Variants in AGBL1 observed in about 807,000 individuals in gnomAD.
AGBL1 encodes the protein cytosolic carboxypeptidase 4.
AGBL1 carries 130 observed loss-of-function variants against 118.9 expected under a neutral mutation model. That is an observed-to-expected ratio of 1.09 (90% CI 0.95 to 1.26). The LOEUF is 1.26. AGBL1 is among the 50% of genes most tolerant of loss of function. The probability of loss-of-function intolerance (pLI) is 0.00; values close to 1 mark genes in which losing one functional copy is unlikely to be tolerated. For missense variants in AGBL1, 1,584 were observed against 1,298.1 expected (o/e 1.22, Z -3.38); for synonymous variants, 555 against 478.9 (o/e 1.16, Z -2.08).
intron 16 of AGBL1, among the ~76,000 whole-genome samples, chr15:86,282,744 T>A (rs942518214): frequency 1.3e-5 from 2 of 152,180 alleles, no homozygotes; most frequent in Admixed American, 1.3e-4. Flanking sequence ...AACAGATCAG[T>A]GATAAATTAA....
Position 86,674,276 on chromosome 15 carries a change from C to T in AGBL1, c.2998C>T (p.Leu1000=), listed in dbSNP as rs747632024. The T allele has an allele frequency of 1.2e-6, 2 of 1,609,642 alleles. No homozygotes were observed. The highest frequency in any genetic ancestry group is 2.2e-5 in the South Asian group (2 of 90,232). The change falls in exon 22 of 23, where the codon CTA becomes TTA. Residue 1000 remains leucine, a synonymous_variant. Coordinates refer to ENST00000614907, the MANE Select transcript of AGBL1 (RefSeq NM_001386094.1). ...TAATGCTTTGTTTAACTGGCAGGGT[C>T]TACAGTTTGGTACCAGAGAACTGGA... is the stretch of plus-strand genomic sequence containing the variant. ...CGCNQGPYQG[L]QFGTRELEEM...
intron 18 of AGBL1, among the ~76,000 whole-genome samples, chr15:86,518,548 G>T (rs1039770990): frequency 2.6e-4 from 40 of 152,010 alleles, no homozygotes; most frequent in Non-Finnish European, 3.8e-4. Flanking sequence ...ATCAGAAGCT[G>T]TCTTCTCTTT....
intron 22 of AGBL1, among the ~76,000 whole-genome samples, chr15:86,781,480 A>T (rs1360194749): frequency 6.6e-6 from 1 of 152,204 alleles, no homozygotes; most frequent in Non-Finnish European, 1.5e-5. Flanking sequence ...ATGACCCATG[A>T]CAGGTGCTCA....
intron 22 of AGBL1, among the ~76,000 whole-genome samples, chr15:86,827,729 C>A (rs1350837503): frequency 1.4e-5 from 2 of 146,676 alleles, no homozygotes; most frequent in Non-Finnish European, 3.0e-5. Context: ...TCTGAGACCA[C>A]TACCACCACC....
intron 22 of AGBL1, among the ~76,000 whole-genome samples, chr15:86,752,724 C>T (rs546531560): frequency 6.6e-6 from 1 of 152,026 alleles, no homozygotes; most frequent in Non-Finnish European, 1.5e-5. Context: ...GAATAGATAC[C>T]TTTGAAGCCA....
chr15:86,749,236 A>T (rs919843903), intron 22 of AGBL1, among the ~76,000 whole-genome samples: 2 of 152,088 alleles, frequency 1.3e-5, no homozygotes, highest in Non-Finnish European at 2.9e-5. Flanking sequence ...ATCCCTTGGA[A>T]GTTGGATTCC....
At chr15:86,701,970 C>A (rs895349004) in intron 22 of AGBL1, among the ~76,000 whole-genome samples, 19 of 150,004 alleles carry the variant, frequency 1.3e-4, no homozygotes, top group African/African-American at 4.4e-4. Flanking sequence ...CCCCTTCTCA[C>A]TTTCTCTCCC....
intron 22 of AGBL1, among the ~76,000 whole-genome samples, chr15:86,675,356 C>T (rs924812525): frequency 1.3e-5 from 2 of 152,106 alleles, no homozygotes; most frequent in African/African-American, 4.8e-5. Flanking sequence ...GTGGCTGTTG[C>T]AGTGTGACAT....
intron 22 of AGBL1, among the ~76,000 whole-genome samples, chr15:86,729,460 A>G (rs780715385): frequency 2.0e-5 from 3 of 152,080 alleles, no homozygotes; most frequent in Non-Finnish European, 2.9e-5. Context: ...CCCAGTGTCT[A>G]CCGTTGCCAT....
intron 20 of AGBL1, among the ~76,000 whole-genome samples, chr15:86,549,338 A>G (rs944952162): frequency 6.6e-6 from 1 of 152,202 alleles, no homozygotes; most frequent in Non-Finnish European, 1.5e-5. Context: ...TATGCACTCA[A>G]GATATTTGAG....
chr15:86,244,745 A>T (rs1202028532), intron 6 of AGBL1, among the ~76,000 whole-genome samples: 1 of 152,204 alleles, frequency 6.6e-6, no homozygotes, highest in Non-Finnish European at 1.5e-5. Context: ...AACAGAAAAA[A>T]GACAAAAGTC....
At chr15:86,206,804 C>G (rs906694076) in intron 5 of AGBL1, among the ~76,000 whole-genome samples, 2 of 152,132 alleles carry the variant, frequency 1.3e-5, no homozygotes, top group African/African-American at 4.8e-5. Flanking sequence ...TGCAGAAGCT[C>G]TATAGTTTCA....
At chr15:86,527,131 C>T (rs2142210126) in intron 19 of AGBL1, among the ~76,000 whole-genome samples, 1 of 152,320 alleles carries the variant, frequency 6.6e-6, no homozygotes, top group South Asian at 2.1e-4. Flanking sequence ...ACATGGCCTG[C>T]ACAGCAGGTC....
chr15:86,457,285 T>C lies in AGBL1; in HGVS notation c.2555+59739T>C, dbSNP rs1383346025. 9.2e-5 allele frequency among the ~76,000 whole-genome samples: 14 copies of C among 152,304 alleles called. No homozygotes were observed. The East Asian group carries it at 2.7e-3, about 29-fold the overall frequency. ...AGATGTGCAACAAACTCCATTTTTTTTGTGGCATGAACAAAAGGCTTTTGG... is the reference window on the plus strand; with the variant it reads ...AGATGTGCAACAAACTCCATTTTTTCTGTGGCATGAACAAAAGGCTTTTGG... On this transcript the variant is annotated intron_variant, in intron 18 of 22. Transcript: ENST00000614907.
At chr15:86,890,845 T>G (rs1299167885) in intron 22 of AGBL1, among the ~76,000 whole-genome samples, 1 of 152,206 alleles carries the variant, frequency 6.6e-6, no homozygotes, top group African/African-American at 2.4e-5. Context: ...TTTGTTCTTT[T>G]TGCTTAGGAT....
chr15:86,973,933 TAAAC>T, intron 23 of AGBL1, among the ~76,000 whole-genome samples: 1 of 144,214 alleles, frequency 6.9e-6, no homozygotes, highest in Non-Finnish European at 1.5e-5. Context: ...ATATTAAATA[TAAAC>T]ATATTTAATA....
chr15:86,762,536 G>A (rs1383837618), intron 22 of AGBL1, among the ~76,000 whole-genome samples: 2 of 151,952 alleles, frequency 1.3e-5, no homozygotes, highest in African/African-American at 4.8e-5. Flanking sequence ...AGTTTTCTTT[G>A]TGGCTCAGGA....
chr15:86,344,033 C>T lies in AGBL1; in HGVS notation c.2374+48625C>T, dbSNP rs1274549155. ...TTTTGTTTCCTGGCGGTAAATTTCC[C>T]TCACTCTCCCTGTGCTGTGGGACAC... On this transcript the variant is annotated intron_variant, in intron 17 of 22. Transcript: ENST00000614907. Among the ~76,000 whole-genome samples the T allele has an allele frequency of 2.0e-5, 3 of 152,202 alleles. No homozygotes were observed. The East Asian group carries it at 5.8e-4, about 29-fold the overall frequency.
chr15:86,084,092 A>G (rs1318621955), intron 1 of AGBL1, among the ~76,000 whole-genome samples: 2 of 152,228 alleles, frequency 1.3e-5, no homozygotes, highest in African/African-American at 2.4e-5. Context: ...AGTAGAAGCA[A>G]AGAAAGAGGA....
Sources: allele counts gnomAD v4.1 joint callset (sites outside exome capture counted in the v4.1 genomes callset), GRCh38; gene constraint gnomAD v4.1.1; transcripts MANE v1.5; gene names NCBI Gene and HGNC (gene_info 2026-07-23, HGNC 2026-07-21).